Variants in ENTREP1 observed in about 807,000 individuals in gnomAD.
The protein encoded by ENTREP1 is Friedreich ataxia region gene X123.
At chr9:69,352,966 A>G in the ENTREP1 span, among the ~76,000 whole-genome samples, 25 of 152,226 alleles carry the variant, frequency 1.6e-4, no homozygotes, top group Admixed American at 5.9e-4. Context: ...CTAGACCCCC[A>G]TCTCTACAAA....
At chr9:69,385,210 T>A in the ENTREP1 span, among the ~76,000 whole-genome samples, 1 of 152,238 alleles carries the variant, frequency 6.6e-6, no homozygotes, top group Non-Finnish European at 1.5e-5. Context: ...CATGAGCCAC[T>A]GCACCCAGCC....
chr9:69,363,190 G>A, the ENTREP1 span, among the ~76,000 whole-genome samples: 4 of 152,200 alleles, frequency 2.6e-5, no homozygotes, highest in South Asian at 2.1e-4. Context: ...TGTCTCTCAC[G>A]GTCTAAAATA....
chr9:69,391,077 C>T, the ENTREP1 span, among the ~76,000 whole-genome samples: 1 of 152,084 alleles, frequency 6.6e-6, no homozygotes, highest in African/African-American at 2.4e-5. Flanking sequence ...AGCCACTGCG[C>T]CTATACTTGG....
chr9:69,361,342 ATT>A, the ENTREP1 span, among the ~76,000 whole-genome samples: 7 of 152,026 alleles, frequency 4.6e-5, no homozygotes, highest in Admixed American at 6.6e-5. Context: ...ACCATAGGTT[ATT>A]TTTATGTGTT....
the ENTREP1 span, among the ~76,000 whole-genome samples, chr9:69,373,851 T>G: frequency 1.6e-4 from 25 of 152,200 alleles, no homozygotes. Context: ...ATCTTAAGTG[T>G]GCAGTTCATT....
At chr9:69,387,852 C>T in the ENTREP1 span, 3 of 1,269,630 alleles carry the variant, frequency 2.4e-6, no homozygotes, top group Admixed American at 8.1e-5. Flanking sequence ...TGTCATACCC[C>T]ATGAAACTTA....
chr9:69,349,784 C>T, the ENTREP1 span, among the ~76,000 whole-genome samples: 3,213 of 152,162 alleles, frequency 0.021, 48 homozygotes, highest in Middle Eastern at 0.068. Flanking sequence ...TGTACATTAG[C>T]CAACAATTGG....
chr9:69,367,924 T>C, the ENTREP1 span, among the ~76,000 whole-genome samples: 1 of 144,508 alleles, frequency 6.9e-6, no homozygotes. Context: ...CACACACATA[T>C]ATATACACGT....
At chr9:69,345,795 G>A in the ENTREP1 span, among the ~76,000 whole-genome samples, 1 of 151,982 alleles carries the variant, frequency 6.6e-6, no homozygotes, top group African/African-American at 2.4e-5. Flanking sequence ...GTAGAAATGG[G>A]GTTTCACCAT....
the ENTREP1 span, among the ~76,000 whole-genome samples, chr9:69,340,668 T>TGTGTGTGCATGC: frequency 7.0e-6 from 1 of 142,378 alleles, no homozygotes; most frequent in Admixed American, 7.0e-5. Context: ...TGTGTGTGCG[T>TGTGTGTGCATGC]GTGTGTGTGC....
the ENTREP1 span, among the ~76,000 whole-genome samples, chr9:69,335,587 G>C: frequency 2.0e-5 from 3 of 152,164 alleles, no homozygotes; most frequent in Non-Finnish European, 4.4e-5. Context: ...GGTAAGAGAA[G>C]ATCTTGAAGG....
chr9:69,385,333 C>A, the ENTREP1 span, among the ~76,000 whole-genome samples: 1 of 152,190 alleles, frequency 6.6e-6, no homozygotes. Flanking sequence ...TGTTTAGTGG[C>A]CACTTGACTC....
At chr9:69,368,201 G>T in the ENTREP1 span, among the ~76,000 whole-genome samples, 1 of 151,804 alleles carries the variant, frequency 6.6e-6, no homozygotes, top group African/African-American at 2.4e-5. Flanking sequence ...TCTCTTTCCC[G>T]ATTGCTCTGG....
At chr9:69,361,671 A>G in the ENTREP1 span, among the ~76,000 whole-genome samples, 1 of 151,942 alleles carries the variant, frequency 6.6e-6, no homozygotes, top group Non-Finnish European at 1.5e-5. Flanking sequence ...ACTGCTGATC[A>G]TTTTCCATTG....
chr9:69,346,344 A>G, the ENTREP1 span, among the ~76,000 whole-genome samples: 1,328 of 152,188 alleles, frequency 8.7e-3, 25 homozygotes, highest in African/African-American at 0.029. Flanking sequence ...TACCTTGTTA[A>G]AAGTGAGGAA....
chr9:69,371,210 G>C, the ENTREP1 span: 1 of 399,306 alleles, frequency 2.5e-6, no homozygotes, highest in Non-Finnish European at 4.7e-6. Context: ...GAAATAGCTA[G>C]GGCTTAGTGT....
chr9:69,387,684 G>T, the ENTREP1 span: 2 of 340,732 alleles, frequency 5.9e-6, no homozygotes, highest in Non-Finnish European at 1.1e-5. Context: ...TGGGACAAAG[G>T]TATAGTCAAA....
chr9:69,391,824 C>A, the ENTREP1 span: 14 of 1,567,004 alleles, frequency 8.9e-6, no homozygotes, highest in South Asian at 1.2e-5. Flanking sequence ...GACAGAAGGC[C>A]ACTCCAAGGG....
At chr9:69,391,713 C>CGGGGAGGCCCCGAGCCGA in the ENTREP1 span, 1 of 1,613,758 alleles carries the variant, frequency 6.2e-7, no homozygotes, top group Non-Finnish European at 8.5e-7. Flanking sequence ...TTCACACCAG[C>CGGGGAGGCCCCGAGCCGA]GGGGAGGCCC....
Sources: allele counts gnomAD v4.1 joint callset (sites outside exome capture counted in the v4.1 genomes callset), GRCh38; gene constraint gnomAD v4.1.1; transcripts MANE v1.5; gene names NCBI Gene and HGNC (gene_info 2026-07-23, HGNC 2026-07-21).